CSNK1E: variants seen among roughly 807,000 people sequenced by gnomAD.
The protein encoded by CSNK1E is casein kinase 1 epsilon.
In CSNK1E, 17 loss-of-function variants were observed where a neutral mutation model predicts 46.1. The ratio of observed to expected loss-of-function variants is 0.37; its 90% CI spans 0.25 to 0.55. CSNK1E has a LOEUF of 0.55. Among genes scored for constraint, CSNK1E ranks in the 20% least tolerant of loss-of-function variants. The pLI is 0.82. For synonymous variants in CSNK1E, 241 were observed against 242.6 expected (o/e 0.99, Z 0.06); for missense variants, 386 against 595.4 (o/e 0.65, Z 3.66).
rs1288919280 is a variant in CSNK1E at position 38,294,615 on chromosome 22, G to A, written c.886-81C>T. On this transcript the variant is annotated intron_variant, in intron 7 of 10. Transcript: ENST00000396832. This position sits in a 1 kb window ranked among gnomAD's most constrained non-coding sequence, Gnocchi z 5.5. ...CCCAGCAGCCCTGCAGGGCACAGAAGGGGAGGGAGGCCAGGTGGATATCTC... is the reference window on the plus strand; with the variant it reads ...CCCAGCAGCCCTGCAGGGCACAGAAAGGGAGGGAGGCCAGGTGGATATCTC... 17 of 1,338,124 alleles carry A rather than the reference G, an allele frequency of 1.3e-5. No homozygotes were observed. The highest frequency in any genetic ancestry group is 1.6e-5 in the Non-Finnish European group (16 of 991,462). The allele number at this position is 1,338,124 out of a possible 1,614,324, so 82.9% of individuals were successfully genotyped here.
rs763678730 is a variant in CSNK1E at position 38,300,905 on chromosome 22, G to A, written c.384C>T (p.Asp128=). 2.9e-5 allele frequency: 47 copies of A among 1,614,074 alleles called. No individual in the cohort carries two copies. In the Admixed American group the frequency reaches 3.0e-4, roughly 10 times the overall value. Residue 128 remains aspartate, a synonymous_variant, in exon 5 of 11, where the codon GAC becomes GAT. Transcript: ENST00000396832. The surrounding 1 kb of genome is among the most constrained non-coding windows in gnomAD (Gnocchi z 4.4). ...CCATGAGGAAGTTGTCGGGCTTGAC[G>A]TCCCGGTGGATGAAGTTCTTGGAGT... ...YIHSKNFIHR[D]VKPDNFLMGL...
At chr22:38,301,033 G>A in intron 4 of CSNK1E, 81 bp from the exon 5 acceptor site, 1 of 1,221,138 alleles carries the variant, frequency 8.2e-7, no homozygotes, top group South Asian at 1.3e-5. Context: ...GGGCCACAGA[G>A]GTGGAAAGGC....
In CSNK1E at chr22:38,300,486, G is replaced by A. The variant is rs1190151478; in HGVS notation, c.565+238C>T. Among the ~76,000 whole-genome samples, 7 of 152,254 alleles carry A rather than the reference G, an allele frequency of 4.6e-5. No individual in the cohort carries two copies. The highest frequency in any genetic ancestry group is 8.8e-5 in the Non-Finnish European group (6 of 68,050). Reference sequence around the variant, plus strand: ...ATCTTCCAGCCTGCACCAACAGGGCGGAGGAGGAAGCAGGGCCAGGGAAGG... The same window carrying A: ...ATCTTCCAGCCTGCACCAACAGGGCAGAGGAGGAAGCAGGGCCAGGGAAGG... On this transcript the variant is annotated intron_variant, in intron 5 of 10. Coordinates refer to ENST00000396832, the MANE Select transcript of CSNK1E (RefSeq NM_152221.3). The surrounding 1 kb of genome is among the most constrained non-coding windows in gnomAD (Gnocchi z 4.4).
At chr22:38,293,550 C>G (rs951947832) in intron 9 of CSNK1E, among the ~76,000 whole-genome samples, 1 of 151,546 alleles carries the variant, frequency 6.6e-6, no homozygotes, top group Admixed American at 6.6e-5. Flanking sequence ...GGGAGGCAAA[C>G]CTGCTACCTA....
intron 4 of CSNK1E, 29 bp downstream of exon 4, chr22:38,302,832 G>C: frequency 6.2e-7 from 1 of 1,612,570 alleles, no homozygotes. Context: ...ACAGGCATCT[G>C]GCTGGGGATG....
chr22:38,317,821 G>A (rs1194401786), upstream of CSNK1E, among the ~76,000 whole-genome samples: 2 of 152,132 alleles, frequency 1.3e-5, no homozygotes, highest in East Asian at 3.9e-4. Context: ...GAAAACAGGC[G>A]GCTATTCACG....
chr22:38,299,897 G>T lies in CSNK1E; in HGVS notation c.734C>A (p.Pro245His). 2 of 1,613,912 alleles carry T rather than the reference G, an allele frequency of 1.2e-6. No individual in the cohort carries two copies. The highest frequency in any genetic ancestry group is 1.7e-6 in the Non-Finnish European group (2 of 1,179,886). Residue 245 changes from proline to histidine, a missense_variant and splice_region_variant, in exon 6 of 11, where the codon CCC becomes CAC. By Grantham distance (77) the Pro-to-His change is moderately conservative. This residue lies in a region of CSNK1E where 212 missense variants were observed against 410.2 expected (regional missense o/e 0.52). Coordinates refer to ENST00000396832, the MANE Select transcript of CSNK1E (RefSeq NM_152221.3). ...TCCCCTCCCACTGGGCTACTCACAG[G>T]GATAGCCTTTGCAGAGGACCTCGAT... ...TPIEVLCKGYPSEFSTYLNFC... is the reference protein window; with the variant it reads ...TPIEVLCKGYHSEFSTYLNFC...
rs3830720 is a variant in CSNK1E at position 38,303,045 on chromosome 22, GAGGC to G, written c.188-40_188-37del. On this transcript the variant is annotated intron_variant, in intron 3 of 10. Transcript: ENST00000396832. The surrounding 1 kb of genome is among the most constrained non-coding windows in gnomAD (Gnocchi z 4.7). ...AGCAGAGGGCCTCTGTCAGGGGTCA[GAGGC>G]AGGCAGCCAGCCACGCCCGGCCCAC... The G allele has an allele frequency of 0.88, 1,404,205 of 1,602,680 alleles. 616,110 individuals are homozygous for G. The highest frequency in any genetic ancestry group is 0.94 in the African/African-American group (69,927 of 74,758).
intron 1 of CSNK1E, 31 bp from the exon 2 acceptor site, chr22:38,314,200 C>T (rs767961407): frequency 7.6e-6 from 12 of 1,586,678 alleles, no homozygotes; most frequent in Middle Eastern, 1.7e-4. Context: ...TGAGGGTCAG[C>T]GACGTGGGGA....
rs149756544 is a variant in CSNK1E, at chr22:38,312,860, C to T, written c.76+1222G>A. On this transcript the variant is annotated intron_variant, in intron 2 of 10. Coordinates refer to ENST00000396832, the MANE Select transcript of CSNK1E (RefSeq NM_152221.3). ...ACGCAGAGCTAGACGTCTAACGTCT[C>T]CCTCGGCATGTTCTGTCTTCCACGC... Among the ~76,000 whole-genome samples, 569 of 152,292 alleles carry T rather than the reference C, an allele frequency of 3.7e-3. 2 individuals carry two copies. Among genetic ancestry groups the T allele is most frequent in the Non-Finnish European group, 6.5e-3 (439 of 68,040 alleles).
intron 1 of CSNK1E, 125 bp from the exon 2 acceptor site, chr22:38,314,294 AG>A (rs113683448): frequency 0.035 from 23,660 of 682,226 alleles, 552 homozygotes; most frequent in African/African-American, 0.076. Context: ...CACATTCTGC[AG>A]GTGTCAGGTG....
intron 2 of CSNK1E, among the ~76,000 whole-genome samples, chr22:38,307,484 G>A (rs2092703504): frequency 6.6e-6 from 1 of 151,986 alleles, no homozygotes; most frequent in Non-Finnish European, 1.5e-5. Context: ...CTGGGAGGCG[G>A]AGGTTGCAGT....
chr22:38,298,242 A>AGTCTTTGCCGCCGCGCCGGCGAGCGCCGC lies in CSNK1E; in HGVS notation c.885+543_885+544insGCGGCGCTCGCCGGCGCGGCGGCAAAGAC. 7.7e-7 allele frequency: 1 copy of AGTCTTTGCCGCCGCGCCGGCGAGCGCCGC among 1,294,714 alleles called. No individual in the cohort carries two copies. The highest frequency in any genetic ancestry group is 1.0e-6 in the Non-Finnish European group (1 of 982,930). The allele number at this position is 1,294,714 out of a possible 1,614,324, so 80.2% of individuals were successfully genotyped here. A position where few individuals can be genotyped will look rare whatever the true frequency, so the allele number is the denominator to read the frequency against. On this transcript the variant is annotated intron_variant, in intron 7 of 10. Coordinates refer to ENST00000396832, the MANE Select transcript of CSNK1E (RefSeq NM_152221.3). This position sits in a 1 kb window ranked among gnomAD's most constrained non-coding sequence, Gnocchi z 4.2. Reference sequence around the variant, plus strand: ...GATGTGAAACAAGACATACAATTTCACAGATTCCAGAGCTCTGGGTACGGC... The same window carrying AGTCTTTGCCGCCGCGCCGGCGAGCGCCGC: ...GATGTGAAACAAGACATACAATTTCAGTCTTTGCCGCCGCGCCGGCGAGCGCCGCCAGATTCCAGAGCTCTGGGTACGGC...
rs2092662500 is a variant in CSNK1E at position 38,299,986 on chromosome 22, C to A, written c.645G>T (p.Gly215=). 6.2e-7 allele frequency: 1 copy of A among 1,614,182 alleles called. No individual in the cohort carries two copies. Among genetic ancestry groups the A allele is most frequent in the Non-Finnish European group, 8.5e-7 (1 of 1,180,022 alleles). The change falls in exon 6 of 11, where the codon GGG becomes GGT. Residue 215 remains glycine, a synonymous_variant. Transcript: ENST00000396832. ...YFNLGSLPWQ[G]LKAATKRQKY... ...TCTGGCGCTTGGTGGCTGCTTTGAG[C>A]CCCTGCCAGGGCAGGGAGCCCAGGT...
chr22:38,293,430 A>C, intron 9 of CSNK1E, 111 bp from the exon 10 acceptor site: 1 of 703,164 alleles, frequency 1.4e-6, no homozygotes, highest in Non-Finnish European at 2.5e-6. Context: ...CTCCCCACTG[A>C]GGAGGTGTAC....
At chr22:38,313,525 A>G (rs1876490593) in intron 2 of CSNK1E, among the ~76,000 whole-genome samples, 1 of 152,240 alleles carries the variant, frequency 6.6e-6, no homozygotes, top group African/African-American at 2.4e-5. Context: ...CAGCATACTC[A>G]TACTTTCAAC....
chr22:38,303,101 C>T lies in CSNK1E; in HGVS notation c.187+37G>A. ...CTGTGCTCATGGCTGCCCACCGCCA[C>T]CCACCCGGCGCCCGCCGCCGCCCAC... On this transcript the variant is annotated intron_variant, in intron 3 of 10. Transcript: ENST00000396832. This position sits in a 1 kb window ranked among gnomAD's most constrained non-coding sequence, Gnocchi z 4.7. 6.3e-7 allele frequency: 1 copy of T among 1,597,156 alleles called. No homozygotes were observed. The highest frequency in any genetic ancestry group is 1.3e-5 in the African/African-American group (1 of 74,730).
intron 2 of CSNK1E, among the ~76,000 whole-genome samples, chr22:38,306,542 C>T (rs1388806736): frequency 6.6e-6 from 1 of 152,090 alleles, no homozygotes; most frequent in Non-Finnish European, 1.5e-5. Flanking sequence ...ACCATCCTGG[C>T]CAACATGGTG....
rs1361926539 is a variant in CSNK1E at position 38,298,177 on chromosome 22, G to T, written c.885+609C>A. On this transcript the variant is annotated intron_variant, in intron 7 of 10. Coordinates refer to ENST00000396832, the MANE Select transcript of CSNK1E (RefSeq NM_152221.3). This position sits in a 1 kb window ranked among gnomAD's most constrained non-coding sequence, Gnocchi z 4.2. Reference sequence around the variant, plus strand: ...CCTTCGCTGTCATGGGGCTGTCACGGGGCTGAGCCTGGCTCGAGGAAGCCC... The same window carrying T: ...CCTTCGCTGTCATGGGGCTGTCACGTGGCTGAGCCTGGCTCGAGGAAGCCC... 7.7e-7 allele frequency: 1 copy of T among 1,303,574 alleles called. No homozygotes were observed. The highest frequency in any genetic ancestry group is 1.0e-6 in the Non-Finnish European group (1 of 988,678). The allele number at this position is 1,303,574 out of a possible 1,614,324, so 80.8% of individuals were successfully genotyped here. A position where few individuals can be genotyped will look rare whatever the true frequency, so the allele number is the denominator to read the frequency against.
Sources: allele counts gnomAD v4.1 joint callset (sites outside exome capture counted in the v4.1 genomes callset), GRCh38; gene constraint gnomAD v4.1.1; regional missense constraint gnomAD v4.1.1; non-coding constraint Gnocchi (gnomAD v3.1); transcripts MANE v1.5; gene names NCBI Gene and HGNC (gene_info 2026-07-23, HGNC 2026-07-21).